The following GTF2H4 variants were observed in gnomAD, a reference collection of about 807,000 sequenced individuals.
GTF2H4 encodes the protein general transcription factor IIH subunit 4, also known as BTF2 p52.
Under a neutral mutation model 62.2 loss-of-function variants are expected in GTF2H4, and 49 were observed. The ratio of observed to expected loss-of-function variants is 0.79; its 90% CI spans 0.63 to 1.00. GTF2H4 has a LOEUF of 1.00. Among genes scored for constraint, GTF2H4 ranks in the 50% least tolerant of loss-of-function variants. GTF2H4 has a pLI of 0.00. For synonymous variants in GTF2H4, 189 were observed against 233.8 expected, an observed-to-expected ratio of 0.81 and a Z score of 1.75; for missense variants, 479 against 587.8, an observed-to-expected ratio of 0.81 and a Z score of 1.91.
In GTF2H4 at chr6:30,911,947, A is replaced by G; in HGVS notation, c.826-67A>G. Reference sequence around the variant, plus strand: ...TTCTGCATCTTGGGAGGGATCTGATATTTCAGGCAGGAAGATGTAAGGCAG... The same window carrying G: ...TTCTGCATCTTGGGAGGGATCTGATGTTTCAGGCAGGAAGATGTAAGGCAG... On this transcript the variant is annotated intron_variant, in intron 9 of 13. Transcript: ENST00000259895. This position sits in a 1 kb window ranked among gnomAD's most constrained non-coding sequence, Gnocchi z 4.3. 6.3e-7 allele frequency: 1 copy of G among 1,578,314 alleles called. No individual in the cohort carries two copies. Among genetic ancestry groups the G allele is most frequent in the Non-Finnish European group, 8.6e-7 (1 of 1,157,366 alleles).
In GTF2H4 at chr6:30,911,601, A is replaced by G; in HGVS notation, c.742-83A>G. The G allele has an allele frequency of 1.3e-6, 1 of 783,416 alleles. No individual in the cohort carries two copies. Among genetic ancestry groups the G allele is most frequent in the Non-Finnish European group, 2.0e-6 (1 of 492,830 alleles). The allele number at this position is 783,416 out of a possible 1,614,324, so 48.5% of individuals were successfully genotyped here. ...AAGAATGAAAACAGAACGAACAGAG[A>G]TGGAGAAAGAAAGAATGAATGTATG... On this transcript the variant is annotated intron_variant, in intron 8 of 13. Coordinates refer to ENST00000259895, the MANE Select transcript of GTF2H4 (RefSeq NM_001517.5). This position sits in a 1 kb window ranked among gnomAD's most constrained non-coding sequence, Gnocchi z 4.3.
At position 30,910,950 on chromosome 6, in the gene GTF2H4, G is replaced by A. The variant is rs375698265; in HGVS notation, c.560+9G>A. ...GCTGGGCTCATGAAGAGGTGAGGAA[G>A]CCGGAGGTACAGCAGCTCTCTGCTG... is the stretch of plus-strand genomic sequence containing the variant. On this transcript the variant is annotated intron_variant, in intron 6 of 13. Coordinates refer to ENST00000259895, the MANE Select transcript of GTF2H4 (RefSeq NM_001517.5). This position sits in a 1 kb window ranked among gnomAD's most constrained non-coding sequence, Gnocchi z 4.7. The A allele has an allele frequency of 1.9e-6, 3 of 1,595,280 alleles. No homozygotes were observed. Among genetic ancestry groups the A allele is most frequent in the Non-Finnish European group, 2.6e-6 (3 of 1,170,170 alleles).
chr6:30,909,869 G>T lies in GTF2H4; in HGVS notation c.243-63G>T. On this transcript the variant is annotated intron_variant, in intron 3 of 13. Coordinates refer to ENST00000259895, the MANE Select transcript of GTF2H4 (RefSeq NM_001517.5). This position sits in a 1 kb window ranked among gnomAD's most constrained non-coding sequence, Gnocchi z 4.3. The stretch of plus-strand genomic sequence containing the variant: ...CAAGTTCAGAACAGGCAGAGATGGT[G>T]GCTTTTATGGGCCTCCTTTTTGTTT... 1 of 1,525,296 alleles carries T rather than the reference G, an allele frequency of 6.6e-7. No homozygotes were observed. The allele number at this position is 1,525,296 out of a possible 1,614,324, so 94.5% of individuals were successfully genotyped here.
chr6:30,910,177 TCCACGTTGGG>T lies in GTF2H4; in HGVS notation c.374+115_374+124del. ...GGGGCCTCCCCAGAACCTTGTGGTCTCCACGTTGGGAACTCCTTTAGGAGTAAGTTGGACC... is the reference window on the plus strand; with the variant it reads ...GGGGCCTCCCCAGAACCTTGTGGTCTAACTCCTTTAGGAGTAAGTTGGACC... On this transcript the variant is annotated intron_variant, in intron 4 of 13. Transcript: ENST00000259895. This position sits in a 1 kb window ranked among gnomAD's most constrained non-coding sequence, Gnocchi z 4.7. The T allele has an allele frequency of 8.5e-7, 1 of 1,171,160 alleles. No homozygotes were observed. The highest frequency in any genetic ancestry group is 1.2e-6 in the Non-Finnish European group (1 of 818,072). 72.5% of individuals were successfully genotyped at this position (1,171,160 alleles called of 1,614,324 possible). A position where few individuals can be genotyped will look rare whatever the true frequency, so the allele number is the denominator to read the frequency against.
In GTF2H4 at chr6:30,913,932, C is replaced by T. The variant is rs1386786329; in HGVS notation, c.1338C>T (p.Ala446=). The change falls in exon 14 of 14, where the codon GCC becomes GCT. Residue 446 remains alanine (A), a synonymous_variant. Coordinates refer to ENST00000259895, the MANE Select transcript of GTF2H4 (RefSeq NM_001517.5). The surrounding 1 kb of genome is among the most constrained non-coding windows in gnomAD (Gnocchi z 4.2). Reference sequence around the variant, plus strand: ...AGCGGCTCATGGTGGTGACCCCGGCCGGGCACAGCGACGTCAAGCGCTTTT... The same window carrying T: ...AGCGGCTCATGGTGGTGACCCCGGCTGGGCACAGCGACGTCAAGCGCTTTT... The part of the protein sequence containing the change: ...SAKRLMVVTP[A]GHSDVKRFWK... The T allele has an allele frequency of 1.2e-6, 2 of 1,606,884 alleles. No individual in the cohort carries two copies. Among genetic ancestry groups the T allele is most frequent in the Non-Finnish European group, 1.7e-6 (2 of 1,177,004 alleles).
Position 30,909,575 on chromosome 6 carries a change from A to G in GTF2H4, c.242+36A>G, listed in dbSNP as rs749890163. The G allele has an allele frequency of 4.7e-6, 6 of 1,278,936 alleles. No homozygotes were observed. Among genetic ancestry groups the G allele is most frequent in the Non-Finnish European group, 5.7e-6 (5 of 876,116 alleles). 79.2% of individuals were successfully genotyped at this position (1,278,936 alleles called of 1,614,324 possible). A position where few individuals can be genotyped will look rare whatever the true frequency, so the allele number is the denominator to read the frequency against. ...GCCAGATACAAATTTCTCAACAGCTACATTTCCCAAACTGCTGTTCCTTGG... is the reference window on the plus strand; with the variant it reads ...GCCAGATACAAATTTCTCAACAGCTGCATTTCCCAAACTGCTGTTCCTTGG... On this transcript the variant is annotated intron_variant, in intron 3 of 13. Transcript: ENST00000259895. This position sits in a 1 kb window ranked among gnomAD's most constrained non-coding sequence, Gnocchi z 4.3.
chr6:30,911,519 G>A lies in GTF2H4; in HGVS notation c.741+20G>A. The A allele has an allele frequency of 6.2e-7, 1 of 1,603,682 alleles. No homozygotes were observed. The highest frequency in any genetic ancestry group is 8.5e-7 in the Non-Finnish European group (1 of 1,170,982). Reference sequence around the variant, plus strand: ...GGCAAGGTAAGCAGGGGGCTGAAAGGTATAGAGATGGGAAGGGGAAAGCAA... The same window carrying A: ...GGCAAGGTAAGCAGGGGGCTGAAAGATATAGAGATGGGAAGGGGAAAGCAA... On this transcript the variant is annotated intron_variant, in intron 8 of 13. Transcript: ENST00000259895. The surrounding 1 kb of genome is among the most constrained non-coding windows in gnomAD (Gnocchi z 4.3).
chr6:30,909,144 G>C lies in GTF2H4; in HGVS notation c.108G>C (p.Gly36=). Residue 36 remains glycine, a synonymous_variant, in exon 2 of 14, where the codon GGG becomes GGC. Transcript: ENST00000259895. This position sits in a 1 kb window ranked among gnomAD's most constrained non-coding sequence, Gnocchi z 4.3. Reference sequence around the variant, plus strand: ...CTGGGGTATTGGACCGATTGTATGGGCACCCTGCCACATGTCTGGCTGTCT... The same window carrying C: ...CTGGGGTATTGGACCGATTGTATGGCCACCCTGCCACATGTCTGGCTGTCT... ...LSPGVLDRLY[G]HPATCLAVFR... 1 of 1,613,850 alleles carries C rather than the reference G, an allele frequency of 6.2e-7. No homozygotes were observed. The highest frequency in any genetic ancestry group is 1.3e-5 in the African/African-American group (1 of 75,050).
rs781221689 is a variant in GTF2H4 at position 30,910,032 on chromosome 6, C to T, written c.343C>T (p.Arg115Cys). 13 of 1,612,944 alleles carry T rather than the reference C, an allele frequency of 8.1e-6. No individual in the cohort carries two copies. Among genetic ancestry groups the T allele is most frequent in the South Asian group, 4.4e-5 (4 of 91,084 alleles). Reference sequence around the variant, plus strand: ...GGGCCTCATCCTCAACCCCATTTTCCGCCAGAACCTCCGCATTGCCCTTCT... The same window carrying T: ...GGGCCTCATCCTCAACCCCATTTTCTGCCAGAACCTCCGCATTGCCCTTCT... ...LQGLILNPIFRQNLRIALLGG... is the reference protein window; with the variant it reads ...LQGLILNPIFCQNLRIALLGG... The change falls in exon 4 of 14, where the codon CGC becomes TGC. Residue 115 changes from arginine to cysteine, a missense_variant. Transcript: ENST00000259895. The surrounding 1 kb of genome is among the most constrained non-coding windows in gnomAD (Gnocchi z 4.7).
In GTF2H4 at chr6:30,914,011, G is replaced by A; in HGVS notation, c.*28G>A. On this transcript the variant is annotated 3_prime_UTR_variant, in exon 14 of 14. Transcript: ENST00000259895. Reference sequence around the variant, plus strand: ...GCGCGGGACTTGGACACGGACCTCGGCGGGCGGGACTGGGCGGGGCGGGGC... The same window carrying A: ...GCGCGGGACTTGGACACGGACCTCGACGGGCGGGACTGGGCGGGGCGGGGC... 6.4e-7 allele frequency: 1 copy of A among 1,560,868 alleles called. No homozygotes were observed. The highest frequency in any genetic ancestry group is 8.7e-7 in the Non-Finnish European group (1 of 1,150,598).
chr6:30,911,265 C>G lies in GTF2H4; in HGVS notation c.668C>G (p.Ala223Gly), dbSNP rs752588795. The change falls in exon 7 of 14, where the codon GCC becomes GGC. Residue 223 changes from alanine to glycine, a missense_variant. Transcript: ENST00000259895. The surrounding 1 kb of genome is among the most constrained non-coding windows in gnomAD (Gnocchi z 4.3). ...WYFMLQYLQT[A>G]QSRGMDLVEI... ...TTTATGTTGCAGTATTTGCAGACAGCCCAGGTGAGGAGGCAGGGCCACTTA... is the reference window on the plus strand; with the variant it reads ...TTTATGTTGCAGTATTTGCAGACAGGCCAGGTGAGGAGGCAGGGCCACTTA... 1.2e-6 allele frequency: 2 copies of G among 1,611,556 alleles called. No homozygotes were observed. Among genetic ancestry groups the G allele is most frequent in the Non-Finnish European group, 1.7e-6 (2 of 1,178,440 alleles).
Position 30,914,072 on chromosome 6 carries a change from G to T in GTF2H4, c.*89G>T. 7.9e-7 allele frequency: 1 copy of T among 1,265,774 alleles called. No individual in the cohort carries two copies. Among genetic ancestry groups the T allele is most frequent in the South Asian group, 1.6e-5 (1 of 63,402 alleles). The allele number at this position is 1,265,774 out of a possible 1,614,324, so 78.4% of individuals were successfully genotyped here. A position where few individuals can be genotyped will look rare whatever the true frequency, so the allele number is the denominator to read the frequency against. On this transcript the variant is annotated 3_prime_UTR_variant, in exon 14 of 14. Coordinates refer to ENST00000259895, the MANE Select transcript of GTF2H4 (RefSeq NM_001517.5). ...AGGTGTTTTTTATTTACGCGTCAGGGCTTTTCTTGTTTAATAAAGTTATGA... is the reference window on the plus strand; with the variant it reads ...AGGTGTTTTTTATTTACGCGTCAGGTCTTTTCTTGTTTAATAAAGTTATGA...
chr6:30,912,132 T>C lies in GTF2H4; in HGVS notation c.944T>C (p.Leu315Pro). The C allele has an allele frequency of 6.2e-7, 1 of 1,612,992 alleles. No homozygotes were observed. The highest frequency in any genetic ancestry group is 8.5e-7 in the Non-Finnish European group (1 of 1,180,014). The change falls in exon 10 of 14, where the codon CTG becomes CCG. Residue 315 changes from leucine (L) to proline (P), a missense_variant. Leu to Pro is a moderately conservative substitution (Grantham distance 98). Coordinates refer to ENST00000259895, the MANE Select transcript of GTF2H4 (RefSeq NM_001517.5). This position sits in a 1 kb window ranked among gnomAD's most constrained non-coding sequence, Gnocchi z 4.8. ...GFIVVETNYR[L>P]YAYTESELQI... ...ATTGTCGTGGAAACCAATTACCGAC[T>C]GTATGCCTACACGGGTGAGGCGGGA... is the stretch of plus-strand genomic sequence containing the variant.
In GTF2H4 at chr6:30,913,449, C is replaced by T; in HGVS notation, c.1216+62C>T. The T allele has an allele frequency of 6.4e-7, 1 of 1,555,526 alleles. No homozygotes were observed. The highest frequency in any genetic ancestry group is 8.7e-7 in the Non-Finnish European group (1 of 1,143,906). ...CCAGAGAAAGGGCAGACAGTTCAGT[C>T]TGCATTTTATTTTTTACTTCATGGA... On this transcript the variant is annotated intron_variant, in intron 13 of 13. Transcript: ENST00000259895. The surrounding 1 kb of genome is among the most constrained non-coding windows in gnomAD (Gnocchi z 4.2).
Position 30,909,470 on chromosome 6 carries a change from G to C in GTF2H4, c.173G>C (p.Arg58Pro). 1 of 1,612,810 alleles carries C rather than the reference G, an allele frequency of 6.2e-7. No homozygotes were observed. The highest frequency in any genetic ancestry group is 1.1e-5 in the South Asian group (1 of 91,074). The change falls in exon 3 of 14, where the codon CGG becomes CCG. Residue 58 changes from arginine to proline, a missense_variant. Arg to Pro is a moderately radical substitution (Grantham distance 103). Transcript: ENST00000259895. The surrounding 1 kb of genome is among the most constrained non-coding windows in gnomAD (Gnocchi z 4.3). Reference sequence around the variant, plus strand: ...TCCTTGGCTAAGAACTGGGTGATGCGGATGCTCTTTCTGGAGCAGCCTTTG... The same window carrying C: ...TCCTTGGCTAAGAACTGGGTGATGCCGATGCTCTTTCTGGAGCAGCCTTTG... The part of the protein sequence containing the change: ...LPSLAKNWVM[R>P]MLFLEQPLPQ...
Position 30,909,558 on chromosome 6 carries a change from C to G in GTF2H4, c.242+19C>G, listed in dbSNP as rs1476488059. 1 of 1,464,478 alleles carries G rather than the reference C, an allele frequency of 6.8e-7. No homozygotes were observed. Among genetic ancestry groups the G allele is most frequent in the African/African-American group, 1.4e-5 (1 of 71,952 alleles). 90.7% of individuals were successfully genotyped at this position (1,464,478 alleles called of 1,614,324 possible). On this transcript the variant is annotated intron_variant, in intron 3 of 13. Coordinates refer to ENST00000259895, the MANE Select transcript of GTF2H4 (RefSeq NM_001517.5). The surrounding 1 kb of genome is among the most constrained non-coding windows in gnomAD (Gnocchi z 4.3). ...TCAGCAAGTAAGTCTCAGCCAGATA[C>G]AAATTTCTCAACAGCTACATTTCCC...
At position 30,913,242 on chromosome 6, in the gene GTF2H4, G is replaced by C. The variant is rs1053238294; in HGVS notation, c.1138-67G>C. 6.2e-7 allele frequency: 1 copy of C among 1,612,198 alleles called. No individual in the cohort carries two copies. On this transcript the variant is annotated intron_variant, in intron 12 of 13. Transcript: ENST00000259895. This position sits in a 1 kb window ranked among gnomAD's most constrained non-coding sequence, Gnocchi z 4.2. The stretch of plus-strand genomic sequence containing the variant: ...AAAAGGGGCATCCAAATCTGGGGAA[G>C]AAACAGAGGGCCGGGTTGTCTGGGG...
Position 30,910,145 on chromosome 6 carries a change from G to A in GTF2H4, c.374+82G>A. ...CACTAATTAAACTTTGGGAGGGGGAGCTCCTGGGGGCCTCCCCAGAACCTT... is the reference window on the plus strand; with the variant it reads ...CACTAATTAAACTTTGGGAGGGGGAACTCCTGGGGGCCTCCCCAGAACCTT... On this transcript the variant is annotated intron_variant, in intron 4 of 13. Transcript: ENST00000259895. This position sits in a 1 kb window ranked among gnomAD's most constrained non-coding sequence, Gnocchi z 4.7. The A allele has an allele frequency of 6.8e-7, 1 of 1,478,532 alleles. No homozygotes were observed. The highest frequency in any genetic ancestry group is 9.3e-7 in the Non-Finnish European group (1 of 1,078,206). 91.6% of individuals were successfully genotyped at this position (1,478,532 alleles called of 1,614,324 possible). A position where few individuals can be genotyped will look rare whatever the true frequency, so the allele number is the denominator to read the frequency against.
rs1198443968 is a variant in GTF2H4 at position 30,910,658 on chromosome 6, G to C, written c.375-7G>C. ...GGTTCCTTACTCTTGGCCCATCCTG[G>C]CCGTAGGGGGAAGGCCTGGTCTGAT... On this transcript the variant is annotated splice_polypyrimidine_tract_variant and splice_region_variant and intron_variant, in intron 4 of 13. Transcript: ENST00000259895. This position sits in a 1 kb window ranked among gnomAD's most constrained non-coding sequence, Gnocchi z 4.7. 7 of 1,610,528 alleles carry C rather than the reference G, an allele frequency of 4.3e-6. No individual in the cohort carries two copies. The South Asian group carries it at 7.7e-5, about 18-fold the overall frequency.
Sources: gnomAD v4.1 joint callset for allele counts on GRCh38, gnomAD v4.1.1 for gene constraint, Gnocchi (gnomAD v3.1) non-coding constraint, MANE v1.5 for transcripts, NCBI Gene and HGNC (gene_info 2026-07-23, HGNC 2026-07-21) for gene names.